Variants in ZNF407 observed in about 807,000 individuals in gnomAD.
ZNF407 encodes zinc finger protein 407.
Under a neutral mutation model 131.2 loss-of-function variants are expected in ZNF407, and 17 were observed. The ratio of observed to expected loss-of-function variants is 0.13; its 90% confidence interval spans 0.09 to 0.19. The LOEUF (loss-of-function observed/expected upper bound fraction) is 0.19. Ranked by LOEUF, ZNF407 falls within the 10% of genes least tolerant of loss-of-function variation. The probability of loss-of-function intolerance (pLI) is 1.00; values close to 1 mark genes in which losing one functional copy is unlikely to be tolerated. For missense variants in ZNF407, 2,681 were observed against 2,830.6 expected, an observed-to-expected ratio of 0.95 and a Z score of 1.20; for synonymous variants, 1,156 against 1,062.0, an observed-to-expected ratio of 1.09 and a Z score of -1.72.
intron 1 of ZNF407, among the ~76,000 whole-genome samples, chr18:74,620,953 G>C (rs1012346151): frequency 6.6e-5 from 10 of 152,160 alleles, no homozygotes; most frequent in Non-Finnish European, 1.5e-4. Flanking sequence ...CACATGATCA[G>C]TTACCTCCGA....
intron 8 of ZNF407, among the ~76,000 whole-genome samples, chr18:74,928,250 G>T (rs1393235591): frequency 6.6e-6 from 1 of 152,198 alleles, no homozygotes; most frequent in Non-Finnish European, 1.5e-5. Flanking sequence ...GTCATAGGTG[G>T]ATTCAAAGAT....
At chr18:74,963,623 TTTG>T (rs1972374888) in intron 8 of ZNF407, among the ~76,000 whole-genome samples, 1 of 152,230 alleles carries the variant, frequency 6.6e-6, no homozygotes, top group Non-Finnish European at 1.5e-5. Flanking sequence ...AATCTTAGAA[TTTG>T]TTAAGAAGAG....
At chr18:74,737,293 C>T (rs1968440133) in intron 3 of ZNF407, among the ~76,000 whole-genome samples, 1 of 152,140 alleles carries the variant, frequency 6.6e-6, no homozygotes. Context: ...GAAAATTTTG[C>T]ATATCTTTAG....
At chr18:75,009,814 TA>T (rs909829420) in intron 8 of ZNF407, among the ~76,000 whole-genome samples, 1 of 152,184 alleles carries the variant, frequency 6.6e-6, no homozygotes, top group Non-Finnish European at 1.5e-5. Context: ...ACCCAAGTCT[TA>T]ACCCCACTAC....
chr18:74,870,549 T>A (rs1012171126), intron 4 of ZNF407, among the ~76,000 whole-genome samples: 3 of 152,212 alleles, frequency 2.0e-5, no homozygotes, highest in Non-Finnish European at 2.9e-5. Context: ...TTATATATAA[T>A]CTGAAACAAG....
chr18:74,728,287 A>G (rs919155796), intron 3 of ZNF407, among the ~76,000 whole-genome samples: 1 of 152,190 alleles, frequency 6.6e-6, no homozygotes, highest in Non-Finnish European at 1.5e-5. Flanking sequence ...CAAAGTGAAT[A>G]ATTCAGAGAC....
At chr18:74,890,625 T>C (rs1971371106) in intron 7 of ZNF407, among the ~76,000 whole-genome samples, 1 of 152,230 alleles carries the variant, frequency 6.6e-6, no homozygotes, top group Non-Finnish European at 1.5e-5. Flanking sequence ...ATTTATGGTA[T>C]CTTGTCTAGA....
intron 3 of ZNF407, among the ~76,000 whole-genome samples, chr18:74,709,273 A>C (rs1967700877): frequency 6.6e-6 from 1 of 152,226 alleles, no homozygotes; most frequent in Admixed American, 6.5e-5. Flanking sequence ...ATCTGATAGA[A>C]GATGTAACAT....
chr18:74,809,038 G>A (rs893755037), intron 4 of ZNF407, among the ~76,000 whole-genome samples: 3 of 151,852 alleles, frequency 2.0e-5, no homozygotes, highest in African/African-American at 2.4e-5. Context: ...TTCTTACCTC[G>A]CATAGTAAAA....
At chr18:75,038,490 C>T (rs948343905) in intron 8 of ZNF407, among the ~76,000 whole-genome samples, 1 of 152,150 alleles carries the variant, frequency 6.6e-6, no homozygotes, top group African/African-American at 2.4e-5. Context: ...AAGTGTACAC[C>T]TGACATTGTT....
At chr18:74,990,785 A>G (rs1414600100) in intron 8 of ZNF407, among the ~76,000 whole-genome samples, 1 of 152,218 alleles carries the variant, frequency 6.6e-6, no homozygotes, top group Non-Finnish European at 1.5e-5. Context: ...GGATTTGTGC[A>G]CCATACAGCT....
At position 74,633,077 on chromosome 18, in the gene ZNF407, TCTGAA is replaced by T; in HGVS notation, c.2059_2063del (p.Leu687ValfsTer7). 1 of 1,613,926 alleles carries T rather than the reference TCTGAA, an allele frequency of 6.2e-7. No individual in the cohort carries two copies. The highest frequency in any genetic ancestry group is 8.5e-7 in the Non-Finnish European group (1 of 1,179,884). On this transcript the variant is annotated frameshift_variant, in exon 2 of 9. Transcript: ENST00000299687. LOFTEE classifies it high-confidence loss of function. ...CAGGAAAAGCATCTCAGGAAGAACC[TCTGAA>T]GTCCAGGGTAAGCCATGGTAATGAA... is the stretch of plus-strand genomic sequence containing the variant.
At position 75,063,935 on chromosome 18, in the gene ZNF407, G is replaced by A. The variant is rs1973675487; in HGVS notation, c.6214G>A (p.Ala2072Thr). The A allele has an allele frequency of 6.2e-7, 1 of 1,613,658 alleles. No individual in the cohort carries two copies. Among genetic ancestry groups the A allele is most frequent in the African/African-American group, 1.3e-5 (1 of 74,944 alleles). Residue 2072 changes from alanine to threonine, a missense_variant, in exon 9 of 9, where the codon GCA becomes ACA. Coordinates refer to ENST00000299687, the MANE Select transcript of ZNF407 (RefSeq NM_017757.3). This position sits in a 1 kb window ranked among gnomAD's most constrained non-coding sequence, Gnocchi z 6.6. The part of the protein sequence containing the change: ...PSAAMASQER[A>T]QVAFKKMVQG... ...AGCAGCCATGGCCTCTCAGGAGCGGGCACAGGTGGCCTTCAAGAAGATGGT... is the reference window on the plus strand; with the variant it reads ...AGCAGCCATGGCCTCTCAGGAGCGGACACAGGTGGCCTTCAAGAAGATGGT...
At chr18:74,861,652 A>G (rs1970938992) in intron 4 of ZNF407, among the ~76,000 whole-genome samples, 2 of 152,362 alleles carry the variant, frequency 1.3e-5, no homozygotes, top group South Asian at 4.1e-4. Context: ...AGCCTACCAT[A>G]TCGATAACGA....
At chr18:74,820,442 C>T (rs939727849) in intron 4 of ZNF407, among the ~76,000 whole-genome samples, 6 of 152,182 alleles carry the variant, frequency 3.9e-5, no homozygotes, top group African/African-American at 1.4e-4. Context: ...GTCAGACCAC[C>T]TATTGTGGAT....
intron 7 of ZNF407, among the ~76,000 whole-genome samples, chr18:74,919,198 A>G (rs989044268): frequency 4.6e-5 from 7 of 152,170 alleles, no homozygotes; most frequent in Admixed American, 4.6e-4. Flanking sequence ...TACCGTATTC[A>G]CTGAGTCTTT....
In ZNF407 at chr18:75,064,428, T is replaced by A; in HGVS notation, c.6707T>A (p.Ile2236Asn). The change falls in exon 9 of 9, where the codon ATT (isoleucine) becomes AAT (asparagine). Residue 2236 changes from isoleucine to asparagine, a missense_variant. Physicochemically the swap from Ile to Asn is moderately radical, Grantham distance 149. Coordinates refer to ENST00000299687, the MANE Select transcript of ZNF407 (RefSeq NM_017757.3). ...TQEGSSAAAA[I>N]QSQRESSELQ... is the part of the protein sequence containing the mutation. ...GAGGGCTCCTCGGCCGCGGCGGCAA[T>A]TCAGAGCCAAAGAGAAAGCAGCGAA... 6.6e-7 allele frequency: 1 copy of A among 1,518,200 alleles called. No homozygotes were observed. Among genetic ancestry groups the A allele is most frequent in the East Asian group, 2.4e-5 (1 of 41,512 alleles). The allele number at this position is 1,518,200 out of a possible 1,614,324, so 94.0% of individuals were successfully genotyped here. A position where few individuals can be genotyped will look rare whatever the true frequency, so the allele number is the denominator to read the frequency against.
At chr18:74,749,640 T>C (rs957210161) in intron 3 of ZNF407, among the ~76,000 whole-genome samples, 1 of 152,184 alleles carries the variant, frequency 6.6e-6, no homozygotes, top group Admixed American at 6.6e-5. Context: ...TTGAGATGCC[T>C]TACCACAAAT....
intron 8 of ZNF407, among the ~76,000 whole-genome samples, chr18:75,012,917 T>C (rs893530380): frequency 1.3e-5 from 2 of 149,154 alleles, no homozygotes; most frequent in African/African-American, 2.5e-5. Flanking sequence ...TCAAATTAAC[T>C]CAGTATTACT....
Sources: allele counts gnomAD v4.1 joint callset (sites outside exome capture counted in the v4.1 genomes callset), GRCh38; gene constraint gnomAD v4.1.1; non-coding constraint Gnocchi (gnomAD v3.1); transcripts MANE v1.5; gene names NCBI Gene and HGNC (gene_info 2026-07-23, HGNC 2026-07-21).